Variants in STXBP5L observed in about 807,000 individuals in gnomAD.
The protein encoded by STXBP5L is syntaxin-binding protein 5-like.
In STXBP5L, 65 loss-of-function variants were observed where a neutral mutation model predicts 144.5. That is an observed-to-expected ratio of 0.45 (90% CI 0.37 to 0.55). The LOEUF is 0.55. Ranked by LOEUF, STXBP5L falls within the 20% of genes least tolerant of loss-of-function variation. The probability of loss-of-function intolerance (pLI) is 0.00; values close to 1 mark genes in which losing one functional copy is unlikely to be tolerated. For synonymous variants in STXBP5L, 505 were observed against 469.6 expected (o/e 1.08, Z -0.97); for missense variants, 1,298 against 1,405.5 (o/e 0.92, Z 1.22).
chr3:121,367,937 A>T (rs1209969225), intron 20 of STXBP5L, among the ~76,000 whole-genome samples: 1 of 151,602 alleles, frequency 6.6e-6, no homozygotes, highest in Non-Finnish European at 1.5e-5. Flanking sequence ...AAGCTTTGTA[A>T]CAATGTCTCA....
intron 5 of STXBP5L, among the ~76,000 whole-genome samples, chr3:121,095,852 G>T (rs957051687): frequency 6.6e-6 from 1 of 152,164 alleles, no homozygotes; most frequent in Non-Finnish European, 1.5e-5. Flanking sequence ...TTTGGAGGGG[G>T]AGAGGCACTG....
chr3:121,337,582 A>C (rs1456910009), intron 20 of STXBP5L, among the ~76,000 whole-genome samples: 3 of 152,172 alleles, frequency 2.0e-5, no homozygotes, highest in Non-Finnish European at 2.9e-5. Context: ...AGACCTAAGA[A>C]AAGAGAAAGA....
rs1577093442 is a variant in STXBP5L at position 121,164,969 on chromosome 3, C to T, written c.877+7342C>T. On this transcript the variant is annotated intron_variant, in intron 9 of 26. Transcript: ENST00000471454. Reference sequence around the variant, plus strand: ...GAAAAAGTTGAAATCTAATCCACAGCATAAGGACTAAAGTTAATAAAATTG... The same window carrying T: ...GAAAAAGTTGAAATCTAATCCACAGTATAAGGACTAAAGTTAATAAAATTG... Among the ~76,000 whole-genome samples the T allele has an allele frequency of 3.3e-5, 5 of 152,198 alleles. No individual in the cohort carries two copies. In the South Asian group the frequency reaches 1.0e-3, roughly 32 times the overall value.
chr3:121,210,325 T>C (rs1164077922), intron 10 of STXBP5L, among the ~76,000 whole-genome samples: 1 of 152,172 alleles, frequency 6.6e-6, no homozygotes, highest in Non-Finnish European at 1.5e-5. Context: ...AGATTCTGGA[T>C]ATTAGCCCTT....
At chr3:121,345,014 T>C (rs2044897536) in intron 20 of STXBP5L, among the ~76,000 whole-genome samples, 1 of 151,650 alleles carries the variant, frequency 6.6e-6, no homozygotes, top group East Asian at 1.9e-4. Context: ...ACAGAAAGCA[T>C]ATTTTTTAAT....
chr3:121,131,601 A>T (rs1427705892), intron 7 of STXBP5L, among the ~76,000 whole-genome samples: 1 of 152,228 alleles, frequency 6.6e-6, no homozygotes, highest in African/African-American at 2.4e-5. Context: ...CTATTACAGA[A>T]AAACTTTACC....
intron 25 of STXBP5L, 111 bp from the exon 26 acceptor site, chr3:121,418,226 T>C (rs2047283655): frequency 8.0e-7 from 1 of 1,245,796 alleles, no homozygotes; most frequent in Admixed American, 2.7e-5. Context: ...GACTCTCTTT[T>C]AATGAGAATT....
chr3:121,007,396 A>AT (rs1283471879), intron 3 of STXBP5L, among the ~76,000 whole-genome samples: 1 of 151,960 alleles, frequency 6.6e-6, no homozygotes, highest in Non-Finnish European at 1.5e-5. Flanking sequence ...CTGGCCTCAA[A>AT]TTTAATTGAG....
At chr3:121,408,407 A>G (rs1414035642) in intron 23 of STXBP5L, among the ~76,000 whole-genome samples, 1 of 151,948 alleles carries the variant, frequency 6.6e-6, no homozygotes, top group Non-Finnish European at 1.5e-5. Context: ...TTAGTAGAAC[A>G]TGGTCCTAAC....
intron 2 of STXBP5L, among the ~76,000 whole-genome samples, chr3:120,910,878 A>T (rs1708799215): frequency 1.3e-5 from 2 of 152,182 alleles, no homozygotes; most frequent in African/African-American, 4.8e-5. Context: ...TTTAATTCTA[A>T]GCTACTTTGT....
Position 121,407,581 on chromosome 3 carries a change from A to G in STXBP5L, c.2926A>G (p.Asn976Asp). The G allele has an allele frequency of 6.2e-7, 1 of 1,613,182 alleles. No individual in the cohort carries two copies. Among genetic ancestry groups the G allele is most frequent in the South Asian group, 1.1e-5 (1 of 91,058 alleles). The change falls in exon 23 of 27, where the codon AAC becomes GAC. Residue 976 changes from asparagine to aspartate, a missense_variant. Physicochemically the swap from Asn to Asp is conservative, Grantham distance 23. Coordinates refer to ENST00000471454, the MANE Select transcript of STXBP5L (RefSeq NM_001308330.2). The part of the protein sequence containing the change: ...SSACLACFCA[N>D]GHIMIMSLPS... ...TGCCTGCTTGGCATGCTTTTGTGCTAACGGACATATCATGATAATGAGGTA... is the reference window on the plus strand; with the variant it reads ...TGCCTGCTTGGCATGCTTTTGTGCTGACGGACATATCATGATAATGAGGTA...
At chr3:121,006,215 G>A (rs942000304) in intron 3 of STXBP5L, among the ~76,000 whole-genome samples, 1 of 152,160 alleles carries the variant, frequency 6.6e-6, no homozygotes, top group African/African-American at 2.4e-5. Flanking sequence ...CTAAGGACTT[G>A]CTTTGTGAAT....
intron 5 of STXBP5L, among the ~76,000 whole-genome samples, chr3:121,105,306 G>A (rs1262095574): frequency 6.6e-6 from 1 of 152,044 alleles, no homozygotes; most frequent in Non-Finnish European, 1.5e-5. Context: ...TGAGGCAGGA[G>A]AATCGCTTGA....
intron 3 of STXBP5L, among the ~76,000 whole-genome samples, chr3:120,969,753 C>G (rs1393145299): frequency 6.6e-6 from 1 of 151,908 alleles, no homozygotes; most frequent in Non-Finnish European, 1.5e-5. Flanking sequence ...TTTTATTTTT[C>G]TACATGTGGC....
chr3:121,065,261 A>T (rs569519579), intron 5 of STXBP5L, among the ~76,000 whole-genome samples: 1 of 152,278 alleles, frequency 6.6e-6, no homozygotes, highest in South Asian at 2.1e-4. Flanking sequence ...ATACCCAGTA[A>T]TGGGATTGCT....
intron 5 of STXBP5L, among the ~76,000 whole-genome samples, chr3:121,055,443 C>G (rs758721632): frequency 6.6e-6 from 1 of 152,050 alleles, no homozygotes; most frequent in Non-Finnish European, 1.5e-5. Context: ...TTTAGTCTTA[C>G]AATTTTTGAA....
Position 121,378,728 on chromosome 3 carries a change from G to T in STXBP5L, c.2189G>T (p.Gly730Val). The T allele has an allele frequency of 6.2e-7, 1 of 1,613,296 alleles. No individual in the cohort carries two copies. Among genetic ancestry groups the T allele is most frequent in the Non-Finnish European group, 8.5e-7 (1 of 1,179,666 alleles). The change falls in exon 21 of 27, where the codon GGA (glycine) becomes GTA (valine). Residue 730 changes from glycine (G) to valine (V), a missense_variant. By Grantham distance (109) the Gly-to-Val change is moderately radical. Transcript: ENST00000471454. ...CCTCTTGGCACAGACCATGTAAATGGACACTGCACAAGTCCAACTTCTCAG... is the reference window on the plus strand; with the variant it reads ...CCTCTTGGCACAGACCATGTAAATGTACACTGCACAAGTCCAACTTCTCAG... ...CKSPTSDHVN[G>V]HCTSPTSQSC...
chr3:121,011,221 T>G (rs568894193), intron 3 of STXBP5L, among the ~76,000 whole-genome samples: 1 of 151,326 alleles, frequency 6.6e-6, no homozygotes, highest in Admixed American at 6.6e-5. Context: ...CCTACCATGT[T>G]AAATCCTCAG....
chr3:121,026,835 T>C (rs999011767), intron 3 of STXBP5L, among the ~76,000 whole-genome samples: 1 of 151,748 alleles, frequency 6.6e-6, no homozygotes, highest in African/African-American at 2.4e-5. Context: ...ACCCTAAAAC[T>C]TAAAGTATTA....
Sources: allele counts gnomAD v4.1 joint callset (sites outside exome capture counted in the v4.1 genomes callset), GRCh38; gene constraint gnomAD v4.1.1; transcripts MANE v1.5; gene names NCBI Gene and HGNC (gene_info 2026-07-23, HGNC 2026-07-21).